The following PRDM4 variants were observed in gnomAD, a reference collection of about 807,000 sequenced individuals.
PRDM4 encodes the protein PR domain zinc finger protein 4.
Under a neutral mutation model 62.3 loss-of-function variants are expected in PRDM4, and 38 were observed. The observed-to-expected ratio is 0.61, with a 90% CI of 0.47 to 0.80. The LOEUF (loss-of-function observed/expected upper bound fraction) is 0.80. Among genes scored for constraint, PRDM4 ranks in the 30% least tolerant of loss-of-function variants. The pLI is 0.00. For synonymous variants in PRDM4, 339 were observed against 348.2 expected (o/e 0.97, Z 0.30); for missense variants, 858 against 997.1 (o/e 0.86, Z 1.88).
rs1891239621 is a variant in PRDM4, at chr12:107,761,114, CCTCCTCTGGGCCG to C, written c.-427_-415del. ...CCGCCCGGCCCTTCCCGGCCCGCGG[CCTCCTCTGGGCCG>C]CACCCTCTGCGGCGCGTTTCCGGAT... On this transcript the variant is annotated 5_prime_UTR_variant, in exon 1 of 12. Coordinates refer to ENST00000228437, the MANE Select transcript of PRDM4 (RefSeq NM_012406.4). The C allele has an allele frequency of 6.6e-6, 1 of 151,628 alleles. No individual in the cohort carries two copies. The highest frequency in any genetic ancestry group is 2.4e-5 in the African/African-American group (1 of 41,390). 9.4% of individuals were successfully genotyped at this position (151,628 alleles called of 1,614,324 possible).
At chr12:107,739,575 A>C in intron 10 of PRDM4, 24 bp from the exon 11 acceptor site, 1 of 1,602,216 alleles carries the variant, frequency 6.2e-7, no homozygotes, top group Non-Finnish European at 8.5e-7. Context: ...AAAGTATTAC[A>C]CCGTGAAGAA....
intron 10 of PRDM4, among the ~76,000 whole-genome samples, chr12:107,740,521 A>G (rs1593163786): frequency 6.6e-6 from 1 of 152,078 alleles, no homozygotes; most frequent in African/African-American, 2.4e-5. Context: ...AAAAGTACTA[A>G]AAGAAAGGTG....
chr12:107,754,791 G>T (rs1219631873), intron 3 of PRDM4: 1 of 152,188 alleles, frequency 6.6e-6, no homozygotes, highest in East Asian at 1.9e-4. Flanking sequence ...GTGATAGTAT[G>T]AAATTTTTTT....
intron 3 of PRDM4, among the ~76,000 whole-genome samples, chr12:107,755,882 C>T (rs1347431145): frequency 6.6e-6 from 1 of 152,148 alleles, no homozygotes; most frequent in South Asian, 2.1e-4. Context: ...GGCAGGAGTT[C>T]GAGACCAGCC....
At chr12:107,758,448 CTA>C (rs1891131422) in intron 2 of PRDM4, 1 of 151,840 alleles carries the variant, frequency 6.6e-6, no homozygotes, top group South Asian at 2.1e-4. Context: ...TGGGGTCTCC[CTA>C]TGTTGCCCAG....
Position 107,761,092 on chromosome 12 carries a change from C to G in PRDM4, c.-392G>C, listed in dbSNP as rs1244105412. The G allele has an allele frequency of 6.6e-6, 1 of 151,578 alleles. No homozygotes were observed. The highest frequency in any genetic ancestry group is 2.4e-5 in the African/African-American group (1 of 41,374). 9.4% of individuals were successfully genotyped at this position (151,578 alleles called of 1,614,324 possible). A position where few individuals can be genotyped will look rare whatever the true frequency, so the allele number is the denominator to read the frequency against. ...CGCTGCCCTAACGTTTCCCGTCCCG[C>G]CCGGCCCTTCCCGGCCCGCGGCCTC... is the stretch of plus-strand genomic sequence containing the variant. On this transcript the variant is annotated 5_prime_UTR_variant, in exon 1 of 12. Coordinates refer to ENST00000228437, the MANE Select transcript of PRDM4 (RefSeq NM_012406.4).
intron 2 of PRDM4, among the ~76,000 whole-genome samples, chr12:107,759,127 G>C (rs1266822982): frequency 1.3e-5 from 2 of 152,062 alleles, no homozygotes; most frequent in African/African-American, 4.8e-5. Flanking sequence ...TTTTAACTTA[G>C]CCAGGCATGG....
chr12:107,748,136 C>T (rs1171337609), intron 5 of PRDM4, among the ~76,000 whole-genome samples: 2 of 151,852 alleles, frequency 1.3e-5, no homozygotes, highest in Admixed American at 6.6e-5. Flanking sequence ...GCTGAGATTG[C>T]GCTACTGCAC....
intron 9 of PRDM4, 75 bp from the exon 10 acceptor site, chr12:107,741,335 C>T: frequency 2.3e-6 from 3 of 1,318,882 alleles, no homozygotes; most frequent in East Asian, 2.4e-5. Flanking sequence ...ACAATCATTG[C>T]TTCCAGTTCT....
At chr12:107,740,059 T>C (rs1400964138) in intron 10 of PRDM4, among the ~76,000 whole-genome samples, 4 of 152,140 alleles carry the variant, frequency 2.6e-5, no homozygotes, top group African/African-American at 7.2e-5. Flanking sequence ...TCTTAAAGGA[T>C]AGATAGAATT....
chr12:107,747,818 C>T (rs1156520759), intron 5 of PRDM4, among the ~76,000 whole-genome samples: 1 of 151,334 alleles, frequency 6.6e-6, no homozygotes, highest in Non-Finnish European at 1.5e-5. Context: ...TTTTTTAAGA[C>T]GGGGTCCCGA....
intron 5 of PRDM4, among the ~76,000 whole-genome samples, chr12:107,747,460 A>T (rs969376186): frequency 6.6e-6 from 1 of 152,158 alleles, no homozygotes; most frequent in African/African-American, 2.4e-5. Flanking sequence ...AGACAAAAAC[A>T]ATTTGCAGCC....
intron 2 of PRDM4, among the ~76,000 whole-genome samples, chr12:107,759,081 C>A (rs1270881799): frequency 6.6e-6 from 1 of 152,144 alleles, no homozygotes; most frequent in Non-Finnish European, 1.5e-5. Context: ...CGTCCCTAGG[C>A]AACACAGTGA....
rs951330026 is a variant in PRDM4, at chr12:107,740,891, A to G, written c.1924+55T>C. The G allele has an allele frequency of 1.3e-5, 20 of 1,534,954 alleles. No individual in the cohort carries two copies. The Admixed American group carries it at 1.4e-4, about 11-fold the overall frequency. ...ACAATCCCTCTACAAAGCCTTTACT[A>G]CCGCATTTTCTAATTGTTGCAAAAA... is the stretch of plus-strand genomic sequence containing the variant. On this transcript the variant is annotated intron_variant, in intron 10 of 11. Transcript: ENST00000228437.
chr12:107,760,975 G>A lies in PRDM4; in HGVS notation c.-275C>T, dbSNP rs11113465. ...AGCCCACCTGCCAGCTGCGCTGGGG[G>A]CGCACGCGCCTGCCCCACTGCTTTG... On this transcript the variant is annotated 5_prime_UTR_variant, in exon 1 of 12. Coordinates refer to ENST00000228437, the MANE Select transcript of PRDM4 (RefSeq NM_012406.4). The A allele has an allele frequency of 0.29, 43,516 of 148,616 alleles. 8,025 individuals carry two copies. The highest frequency in any genetic ancestry group is 0.43 in the Middle Eastern group (123 of 288). The allele number at this position is 148,616 out of a possible 1,614,324, so 9.2% of individuals were successfully genotyped here. A position where few individuals can be genotyped will look rare whatever the true frequency, so the allele number is the denominator to read the frequency against.
Position 107,760,605 on chromosome 12 carries a change from T to C in PRDM4, c.-90A>G, listed in dbSNP as rs1891214089. ...CGTTCCAGGGTCACGTGCTACCACATCTTGCTCACAACCGCTGCACCGACG... is the reference window on the plus strand; with the variant it reads ...CGTTCCAGGGTCACGTGCTACCACACCTTGCTCACAACCGCTGCACCGACG... On this transcript the variant is annotated 5_prime_UTR_variant, in exon 2 of 12. It removes an upstream start codon present in the reference 5' UTR. Coordinates refer to ENST00000228437, the MANE Select transcript of PRDM4 (RefSeq NM_012406.4). The C allele has an allele frequency of 6.5e-7, 1 of 1,528,194 alleles. No individual in the cohort carries two copies. The highest frequency in any genetic ancestry group is 1.9e-5 in the Admixed American group (1 of 53,404). The allele number at this position is 1,528,194 out of a possible 1,614,324, so 94.7% of individuals were successfully genotyped here. A position where few individuals can be genotyped will look rare whatever the true frequency, so the allele number is the denominator to read the frequency against.
At chr12:107,747,146 G>GA (rs1467111564) in intron 5 of PRDM4, among the ~76,000 whole-genome samples, 1 of 151,658 alleles carries the variant, frequency 6.6e-6, no homozygotes, top group Non-Finnish European at 1.5e-5. Flanking sequence ...AATAATAAAA[G>GA]AAAAAAATAG....
At chr12:107,758,709 A>C (rs573970020) in intron 2 of PRDM4, among the ~76,000 whole-genome samples, 403 of 152,346 alleles carry the variant, frequency 2.6e-3, no homozygotes, top group Non-Finnish European at 4.5e-3. Flanking sequence ...GCGTATATTT[A>C]AAGTTCCACA....
Position 107,739,535 on chromosome 12 carries a change from C to A in PRDM4, c.1941G>T (p.Arg647Ser). Reference sequence around the variant, plus strand: ...TGAAAGACTTGTCACACAAGGTACACCTGTAGTTCTTCTGACCTGCAATCA... The same window carrying A: ...TGAAAGACTTGTCACACAAGGTACAACTGTAGTTCTTCTGACCTGCAATCA... ...LKIHTGQKNY[R>S]CTLCDKSFTQ... The change falls in exon 11 of 12, where the codon AGG (arginine) becomes AGT (serine). Residue 647 changes from arginine to serine, a missense_variant. Physicochemically the swap from Arg to Ser is moderately radical, Grantham distance 110 (BLOSUM62 -1). Around this residue, in one of 3 missense-constraint regions of PRDM4, gnomAD observed 355 missense variants for 432.6 expected, o/e 0.82. Transcript: ENST00000228437. 6.2e-7 allele frequency: 1 copy of A among 1,613,646 alleles called. No individual in the cohort carries two copies. The highest frequency in any genetic ancestry group is 1.3e-5 in the African/African-American group (1 of 75,020).
Sources: gnomAD v4.1 joint callset for allele counts (sites outside exome capture counted in the v4.1 genomes callset) on GRCh38, gnomAD v4.1.1 for gene constraint, gnomAD v4.1.1 regional missense constraint, MANE v1.5 for transcripts, NCBI Gene and HGNC (gene_info 2026-07-23, HGNC 2026-07-21) for gene names.